TCF12: variants seen among roughly 807,000 people sequenced by gnomAD.
TCF12 encodes the protein DNA-binding protein HTF4.
A neutral mutation model predicts 86.0 loss-of-function variants in TCF12; 45 were observed. The observed-to-expected ratio is 0.52, with a 90% CI of 0.41 to 0.67. The LOEUF (loss-of-function observed/expected upper bound fraction) is 0.67. TCF12 is among the 30% of genes least tolerant of loss of function. TCF12 has a pLI of 0.00. For missense variants in TCF12, 881 were observed against 859.9 expected (o/e 1.02, Z -0.31); for synonymous variants, 330 against 299.6 (o/e 1.10, Z -1.05).
intron 3 of TCF12, among the ~76,000 whole-genome samples, chr15:56,973,661 A>G (rs1383762021): frequency 6.6e-6 from 1 of 152,162 alleles, no homozygotes; most frequent in Non-Finnish European, 1.5e-5. Context: ...AAAACTACCA[A>G]AGTGAAAGTT....
At chr15:56,923,439 C>G (rs531678331) in intron 3 of TCF12, among the ~76,000 whole-genome samples, 5 of 152,050 alleles carry the variant, frequency 3.3e-5, no homozygotes, top group Non-Finnish European at 7.4e-5. Flanking sequence ...ATTCCTTCAT[C>G]AGGGTGTTAA....
At chr15:57,128,492 G>T (rs2051848076) in intron 5 of TCF12, among the ~76,000 whole-genome samples, 1 of 152,098 alleles carries the variant, frequency 6.6e-6, no homozygotes, top group South Asian at 2.1e-4. Context: ...TTCCTTCTCA[G>T]TAACCACAAT....
At chr15:57,043,938 T>C (rs1567309085) in intron 3 of TCF12, among the ~76,000 whole-genome samples, 1 of 152,122 alleles carries the variant, frequency 6.6e-6, no homozygotes, top group African/African-American at 2.4e-5. Context: ...AGTTACCATA[T>C]TAAACTTTTT....
chr15:57,265,281 T>C (rs1289371969), intron 18 of TCF12, among the ~76,000 whole-genome samples: 1 of 152,118 alleles, frequency 6.6e-6, no homozygotes, highest in Non-Finnish European at 1.5e-5. Flanking sequence ...ATTCTTCCCA[T>C]GTCTCCTCAT....
intron 8 of TCF12, among the ~76,000 whole-genome samples, chr15:57,200,012 G>C (rs1418016556): frequency 6.6e-6 from 1 of 150,422 alleles, no homozygotes; most frequent in Admixed American, 6.6e-5. Flanking sequence ...CTCCCAAGTA[G>C]CTGGGACTAC....
intron 6 of TCF12, among the ~76,000 whole-genome samples, chr15:57,169,226 C>T (rs1474193539): frequency 6.6e-6 from 1 of 152,094 alleles, no homozygotes; most frequent in Non-Finnish European, 1.5e-5. Flanking sequence ...AAAGTCTTTT[C>T]GTCTTCATCT....
rs575294947 is a variant in TCF12 at position 56,972,104 on chromosome 15, G to T, written c.148+51006G>T. On this transcript the variant is annotated intron_variant, in intron 3 of 20. Transcript: ENST00000333725. ...TTATCTCAATAAAGCTGTTATAAAA[G>T]AAGTGAGTTACCTATGCTTAGTGAT... Among the ~76,000 whole-genome samples the T allele has an allele frequency of 8.5e-4, 130 of 152,298 alleles. 1 individual carries two copies. The highest frequency in any genetic ancestry group is 2.9e-3 in the African/African-American group (119 of 41,558).
chr15:57,070,293 T>A (rs2069258816), intron 4 of TCF12, among the ~76,000 whole-genome samples: 1 of 152,162 alleles, frequency 6.6e-6, no homozygotes, highest in African/African-American at 2.4e-5. Flanking sequence ...GATATGAGGA[T>A]TCAGTTCATT....
At chr15:56,960,903 GC>G (rs1245714779) in intron 3 of TCF12, among the ~76,000 whole-genome samples, 1 of 151,960 alleles carries the variant, frequency 6.6e-6, no homozygotes, top group Non-Finnish European at 1.5e-5. Context: ...ACTTTGGGAG[GC>G]TGAGGTGGGT....
intron 5 of TCF12, among the ~76,000 whole-genome samples, chr15:57,138,195 C>G (rs1364866649): frequency 6.6e-6 from 1 of 152,120 alleles, no homozygotes; most frequent in African/African-American, 2.4e-5. Context: ...TCACTGATGG[C>G]TAAATATTTC....
intron 8 of TCF12, among the ~76,000 whole-genome samples, chr15:57,211,427 A>G (rs1231061762): frequency 2.6e-5 from 4 of 152,176 alleles, no homozygotes; most frequent in Non-Finnish European, 5.9e-5. Flanking sequence ...AAAAGAAAAA[A>G]GAAAGATTAT....
chr15:56,950,295 G>A (rs538679797), intron 3 of TCF12, among the ~76,000 whole-genome samples: 36 of 152,182 alleles, frequency 2.4e-4, no homozygotes, highest in Admixed American at 1.9e-3. Context: ...GCATGATATC[G>A]GTTCACAGCA....
At chr15:57,201,290 G>A (rs777695497) in intron 8 of TCF12, among the ~76,000 whole-genome samples, 2 of 152,072 alleles carry the variant, frequency 1.3e-5, no homozygotes, top group African/African-American at 4.8e-5. Flanking sequence ...TTATATTGCA[G>A]TGAAGCAAGT....
chr15:57,181,316 C>T (rs981036155), intron 6 of TCF12, among the ~76,000 whole-genome samples: 3 of 151,806 alleles, frequency 2.0e-5, no homozygotes, highest in Admixed American at 1.3e-4. Context: ...CCTCAAACTC[C>T]GAGGCTTAAG....
At chr15:57,280,337 C>G (rs1200654194) in intron 19 of TCF12, among the ~76,000 whole-genome samples, 3 of 152,162 alleles carry the variant, frequency 2.0e-5, no homozygotes, top group African/African-American at 7.2e-5. Context: ...AATAAATTAA[C>G]TAAGAGTGTA....
At chr15:57,086,494 A>G (rs779637013) in intron 4 of TCF12, among the ~76,000 whole-genome samples, 3 of 151,826 alleles carry the variant, frequency 2.0e-5, no homozygotes, top group African/African-American at 4.8e-5. Context: ...CCACTACACT[A>G]TGCTGTGCAA....
At chr15:57,194,306 G>A (rs1029878123) in intron 7 of TCF12, among the ~76,000 whole-genome samples, 1 of 152,168 alleles carries the variant, frequency 6.6e-6, no homozygotes, top group Non-Finnish European at 1.5e-5. Context: ...AAACCTCTGT[G>A]AGGTTGTAAT....
Position 57,230,324 on chromosome 15 carries a change from A to G in TCF12, c.580-828A>G, listed in dbSNP as rs564730953. 3.3e-5 allele frequency among the ~76,000 whole-genome samples: 5 copies of G among 152,008 alleles called. No homozygotes were observed. The East Asian group carries it at 9.6e-4, about 29-fold the overall frequency. ...TTCTCTTCTTCCTGACTTCTGGTTT[A>G]CTTCTATAGACTGTGCATCACTTTA... is the stretch of plus-strand genomic sequence containing the variant. On this transcript the variant is annotated intron_variant, in intron 8 of 20. Coordinates refer to ENST00000333725, the MANE Select transcript of TCF12 (RefSeq NM_207037.2).
chr15:57,233,179 G>C (rs1329291824), intron 11 of TCF12, among the ~76,000 whole-genome samples: 2 of 150,956 alleles, frequency 1.3e-5, no homozygotes, highest in African/African-American at 4.9e-5. Context: ...TATGTATGTT[G>C]TTTGTTTGTT....
Sources: allele counts gnomAD v4.1 joint callset (sites outside exome capture counted in the v4.1 genomes callset), GRCh38; gene constraint gnomAD v4.1.1; transcripts MANE v1.5; gene names NCBI Gene and HGNC (gene_info 2026-07-23, HGNC 2026-07-21).